The following LRRC37A variants were observed in gnomAD, a reference collection of about 807,000 sequenced individuals.
The protein encoded by LRRC37A is leucine rich repeat containing 37A.
Under a neutral mutation model 35.4 loss-of-function variants are expected in LRRC37A, and 3 were observed. The ratio of observed to expected loss-of-function variants is 0.08; its 90% CI spans 0.04 to 0.22. LRRC37A has a LOEUF of 0.22. Among genes scored for constraint, LRRC37A ranks in the 10% least tolerant of loss-of-function variants. LRRC37A has a pLI of 1.00. For missense variants in LRRC37A, 67 were observed against 565.3 expected (o/e 0.12, Z 8.94); for synonymous variants, 23 against 215.0 (o/e 0.11, Z 7.81).
At chr17:46,280,503 T>C in the LRRC37A span, among the ~76,000 whole-genome samples, 16,590 of 149,106 alleles carry the variant, frequency 0.11, no homozygotes, top group Non-Finnish European at 0.17. Context: ...AGCAAGACCC[T>C]GTCCCTAATT....
chr17:46,256,444 C>G, the LRRC37A span, among the ~76,000 whole-genome samples: 1 of 152,132 alleles, frequency 6.6e-6, no homozygotes, highest in Non-Finnish European at 1.5e-5. Context: ...AGCCTTTCTT[C>G]TCTTTGTCCA....
the LRRC37A span, among the ~76,000 whole-genome samples, chr17:46,271,402 A>G: frequency 0.13 from 18,343 of 145,474 alleles, no homozygotes; most frequent in Middle Eastern, 0.19. Flanking sequence ...GGCTGGTTTC[A>G]AACTCCCAAC....
At chr17:46,276,942 T>C in the LRRC37A span, among the ~76,000 whole-genome samples, 1 of 152,116 alleles carries the variant, frequency 6.6e-6, no homozygotes, top group Non-Finnish European at 1.5e-5. Flanking sequence ...TAGCTGGGAC[T>C]ACAGGCACGT....
rs549883274 is a variant in LRRC37A, at chr17:46,323,758, A to T, written c.3053+731A>T. Among the ~76,000 whole-genome samples the T allele has an allele frequency of 3.7e-4, 39 of 104,176 alleles. 11 individuals are homozygous for T. In the East Asian group the frequency reaches 9.7e-3, roughly 26 times the overall value. 68.3% of individuals were successfully genotyped at this position (104,176 alleles called of 152,430 possible). A position where few individuals can be genotyped will look rare whatever the true frequency, so the allele number is the denominator to read the frequency against. ...TCCATGTTGTTGCACCTATCACTACAGCTGGCCCTCCATATCTGCAGGTTC... is the reference window on the plus strand; with the variant it reads ...TCCATGTTGTTGCACCTATCACTACTGCTGGCCCTCCATATCTGCAGGTTC... On this transcript the variant is annotated intron_variant, in intron 7 of 13. Coordinates refer to ENST00000320254, the Ensembl canonical transcript of LRRC37A.
chr17:46,266,920 C>G, the LRRC37A span: 4 of 223,672 alleles, frequency 1.8e-5, no homozygotes, highest in Non-Finnish European at 3.3e-5. Flanking sequence ...TACGCTTCCC[C>G]GCCGCCCGGC....
the LRRC37A span, among the ~76,000 whole-genome samples, chr17:46,261,651 G>T: frequency 2.0e-5 from 3 of 151,770 alleles, no homozygotes; most frequent in Non-Finnish European, 4.4e-5. Context: ...GACCTCAGGT[G>T]ATCTGCCCGC....
At chr17:46,267,418 C>A in the LRRC37A span, 1 of 1,612,270 alleles carries the variant, frequency 6.2e-7, no homozygotes, top group Non-Finnish European at 8.5e-7. Context: ...CAAGATGAAC[C>A]GCCTGTACCT....
the LRRC37A span, among the ~76,000 whole-genome samples, chr17:46,263,389 A>G: frequency 1.3e-5 from 2 of 151,958 alleles, no homozygotes; most frequent in African/African-American, 4.8e-5. Flanking sequence ...CGTCTCTACT[A>G]AAAATACAAA....
chr17:46,305,214 C>CT (rs1445142785), intron 3 of LRRC37A, among the ~76,000 whole-genome samples: 1 of 106,472 alleles, frequency 9.4e-6, no homozygotes, highest in Non-Finnish European at 2.2e-5. Flanking sequence ...GAGATAAAAT[C>CT]TTTGAGCTCA....
At chr17:46,284,519 C>T in the LRRC37A span, among the ~76,000 whole-genome samples, 1 of 152,224 alleles carries the variant, frequency 6.6e-6, no homozygotes, top group African/African-American at 2.4e-5. Flanking sequence ...AATGGAGTCT[C>T]CTATGTCTAC....
the LRRC37A span, among the ~76,000 whole-genome samples, chr17:46,250,493 C>A: frequency 6.6e-6 from 1 of 152,218 alleles, no homozygotes; most frequent in African/African-American, 2.4e-5. Context: ...CAGCTGCCAG[C>A]AAGGCTAGAA....
chr17:46,264,994 A>G, the LRRC37A span, among the ~76,000 whole-genome samples: 4 of 152,268 alleles, frequency 2.6e-5, no homozygotes, highest in African/African-American at 4.8e-5. Flanking sequence ...ATCTGAGGAC[A>G]TCTATGAACA....
the LRRC37A span, among the ~76,000 whole-genome samples, chr17:46,279,439 C>T: frequency 1.3e-5 from 2 of 151,826 alleles, no homozygotes; most frequent in Admixed American, 1.3e-4. Context: ...CCACCTTGGC[C>T]CTCCAAAGTG....
At chr17:46,252,004 G>A in the LRRC37A span, among the ~76,000 whole-genome samples, 2 of 152,168 alleles carry the variant, frequency 1.3e-5, no homozygotes. Context: ...AGCATTACAT[G>A]ACTATGGATC....
chr17:46,289,219 G>C (rs563698247), upstream of LRRC37A, among the ~76,000 whole-genome samples: 8 of 152,296 alleles, frequency 5.3e-5, no homozygotes, highest in South Asian at 1.4e-3. Flanking sequence ...GTCTCACTTT[G>C]TCACCCTGCC....
the LRRC37A span, among the ~76,000 whole-genome samples, chr17:46,283,231 A>G: frequency 6.6e-6 from 1 of 152,254 alleles, no homozygotes; most frequent in Admixed American, 6.5e-5. Context: ...TGCTAAAAGT[A>G]TTCTAAGATA....
chr17:46,255,051 G>A, the LRRC37A span, among the ~76,000 whole-genome samples: 3 of 152,116 alleles, frequency 2.0e-5, no homozygotes, highest in African/African-American at 7.2e-5. Flanking sequence ...GGCCAGGCTG[G>A]TCTCAAACTC....
chr17:46,268,595 AG>A, the LRRC37A span: 8 of 1,542,736 alleles, frequency 5.2e-6, no homozygotes, highest in Non-Finnish European at 5.3e-6. Context: ...ATCTCTGTCC[AG>A]GGGATGGACT....
intron 1 of LRRC37A, among the ~76,000 whole-genome samples, chr17:46,298,723 C>CAAA (rs1189992034): frequency 1.4e-3 from 55 of 40,392 alleles, no homozygotes; most frequent in African/African-American, 4.1e-3. Context: ...GACTCCATCT[C>CAAA]AAAAAAAAAA....
Sources: allele counts gnomAD v4.1 joint callset (sites outside exome capture counted in the v4.1 genomes callset), GRCh38; gene constraint gnomAD v4.1.1; transcripts MANE v1.5; gene names NCBI Gene and HGNC (gene_info 2026-07-23, HGNC 2026-07-21).